The following PRKAA2 variants were observed in gnomAD, a reference collection of about 807,000 sequenced individuals.
The protein encoded by PRKAA2 is protein kinase AMP-activated catalytic subunit alpha 2.
In PRKAA2, 40 loss-of-function variants were observed where a neutral mutation model predicts 56.3. The observed-to-expected ratio is 0.71, with a 90% CI of 0.55 to 0.92. The LOEUF (loss-of-function observed/expected upper bound fraction) is 0.92, where lower values mean the gene tolerates loss of function less well. Among genes scored for constraint, PRKAA2 ranks in the 40% least tolerant of loss-of-function variants. The pLI, the probability that PRKAA2 is intolerant of heterozygous loss-of-function variation, is 0.00. For missense variants in PRKAA2, 542 were observed against 686.9 expected (o/e 0.79, Z 2.36); for synonymous variants, 214 against 234.2 (o/e 0.91, Z 0.79).
In PRKAA2 at chr1:56,695,480, C is replaced by T. The variant is rs565423806; in HGVS notation, c.564-455C>T. 6.6e-5 allele frequency among the ~76,000 whole-genome samples: 10 copies of T among 152,036 alleles called. No homozygotes were observed. In the East Asian group the frequency reaches 7.7e-4, roughly 12 times the overall value. ...TACTAGGATTACAGGTGTGAGCTAC[C>T]GTGACCAGCCTTAATATTCTTTAAA... On this transcript the variant is annotated intron_variant, in intron 5 of 8. Transcript: ENST00000371244.
At chr1:56,701,512 A>G (rs947419214) in intron 6 of PRKAA2, among the ~76,000 whole-genome samples, 3 of 152,128 alleles carry the variant, frequency 2.0e-5, no homozygotes, top group East Asian at 1.9e-4. Flanking sequence ...TTTTGTGTCC[A>G]TACTTTGTCT....
intron 2 of PRKAA2, 50 bp downstream of exon 2, chr1:56,674,572 G>GT: frequency 1.5e-6 from 2 of 1,320,916 alleles, no homozygotes; most frequent in South Asian, 1.8e-5. Flanking sequence ...ATCTTAAAAT[G>GT]TTTTTTAGGA....
Position 56,691,445 on chromosome 1 carries a change from G to A in PRKAA2, c.288G>A (p.Val96=). The part of the protein sequence containing the change: ...PTDFFMVMEY[V]SGGELFDYIC... ...ATTTTTTTATGGTAATGGAATATGTGTCTGGAGGTGAATTATTTGACTACA... is the reference window on the plus strand; with the variant it reads ...ATTTTTTTATGGTAATGGAATATGTATCTGGAGGTGAATTATTTGACTACA... Residue 96 remains valine (V), a synonymous_variant, in exon 3 of 9, where the codon GTG becomes GTA. Transcript: ENST00000371244. The A allele has an allele frequency of 6.2e-7, 1 of 1,612,672 alleles. No individual in the cohort carries two copies.
intron 5 of PRKAA2, among the ~76,000 whole-genome samples, chr1:56,695,188 A>AT (rs1644250962): frequency 6.8e-6 from 1 of 147,178 alleles, no homozygotes; most frequent in Non-Finnish European, 1.5e-5. Context: ...TATATTATAT[A>AT]TATATATATA....
At chr1:56,690,245 G>A (rs1195189602) in intron 2 of PRKAA2, among the ~76,000 whole-genome samples, 2 of 150,688 alleles carry the variant, frequency 1.3e-5, no homozygotes, top group African/African-American at 2.4e-5. Flanking sequence ...CTCACCGCAA[G>A]CTCTGCCTCC....
Position 56,714,367 on chromosome 1 carries a change from C to A in PRKAA2, c.*6654C>A, listed in dbSNP as rs185758871. 1.3e-5 allele frequency: 2 copies of A among 151,982 alleles called. No individual in the cohort carries two copies. Among genetic ancestry groups the A allele is most frequent in the Non-Finnish European group, 2.9e-5 (2 of 67,978 alleles). 9.4% of individuals were successfully genotyped at this position (151,982 alleles called of 1,614,324 possible). On this transcript the variant is annotated 3_prime_UTR_variant, in exon 9 of 9. Transcript: ENST00000371244. ...TGTGTGTGAGCAACTGTTTGAAAGC[C>A]CTTGTTTAAATACAGGGTTTATATC...
chr1:56,700,577 C>G (rs772051397), intron 6 of PRKAA2, among the ~76,000 whole-genome samples: 20 of 152,150 alleles, frequency 1.3e-4, no homozygotes, highest in Non-Finnish European at 2.1e-4. Context: ...TTTTCCTTTA[C>G]CCAGCTTTCA....
At chr1:56,703,514 G>A (rs1644310093) in intron 6 of PRKAA2, among the ~76,000 whole-genome samples, 1 of 151,994 alleles carries the variant, frequency 6.6e-6, no homozygotes, top group African/African-American at 2.4e-5. Flanking sequence ...GCATTATTTT[G>A]TATTAGTTGA....
intron 1 of PRKAA2, among the ~76,000 whole-genome samples, 182 bp downstream of exon 1, chr1:56,645,663 C>T (rs902571511): frequency 5.3e-5 from 8 of 152,008 alleles, no homozygotes; most frequent in Admixed American, 3.9e-4. Context: ...CACCGGCGCC[C>T]GGGCCCCACA....
intron 1 of PRKAA2, among the ~76,000 whole-genome samples, chr1:56,658,222 A>G (rs531922133): frequency 6.6e-5 from 10 of 152,334 alleles, no homozygotes; most frequent in African/African-American, 2.2e-4. Flanking sequence ...TCATTCCACA[A>G]CTCTACTTTA....
intron 2 of PRKAA2, among the ~76,000 whole-genome samples, chr1:56,683,116 G>A (rs781002398): frequency 1.6e-4 from 20 of 123,098 alleles, no homozygotes; most frequent in Non-Finnish European, 8.4e-5. Context: ...TAAGCAACTG[G>A]GATTTTGGGT....
chr1:56,655,209 T>C (rs1273882700), intron 1 of PRKAA2, among the ~76,000 whole-genome samples: 5 of 148,564 alleles, frequency 3.4e-5, no homozygotes, highest in Non-Finnish European at 7.4e-5. Flanking sequence ...ATAAGTTATT[T>C]TCATTTTCTT....
At chr1:56,668,096 T>A (rs1459463792) in intron 1 of PRKAA2, among the ~76,000 whole-genome samples, 2 of 152,164 alleles carry the variant, frequency 1.3e-5, no homozygotes, top group African/African-American at 4.8e-5. Flanking sequence ...AGCACTGTGA[T>A]TGCCACACTT....
At chr1:56,663,040 CA>C (rs1644007045) in intron 1 of PRKAA2, among the ~76,000 whole-genome samples, 2 of 151,986 alleles carry the variant, frequency 1.3e-5, no homozygotes, top group Non-Finnish European at 2.9e-5. Flanking sequence ...CTGAAGATCC[CA>C]AAAAACTGTT....
intron 1 of PRKAA2, among the ~76,000 whole-genome samples, chr1:56,669,993 C>T (rs529996608): frequency 1.3e-5 from 2 of 152,202 alleles, no homozygotes; most frequent in Admixed American, 1.3e-4. Flanking sequence ...GGATTTTTCC[C>T]CTCTTAAAAT....
chr1:56,645,950 T>A (rs1646637464), intron 1 of PRKAA2, among the ~76,000 whole-genome samples: 1 of 152,142 alleles, frequency 6.6e-6, no homozygotes, highest in African/African-American at 2.4e-5. Context: ...GGAATCTCAT[T>A]GAATCCTCAC....
At chr1:56,689,728 GA>G (rs757996514) in intron 2 of PRKAA2, among the ~76,000 whole-genome samples, 5 of 151,736 alleles carry the variant, frequency 3.3e-5, no homozygotes, top group Non-Finnish European at 7.4e-5. Context: ...TCAAACAAAA[GA>G]AAAAAAGTAA....
Position 56,645,358 on chromosome 1 carries a change from G to A in PRKAA2, c.-30G>A, listed in dbSNP as rs1047085312. ...GCGGCGGCGGCTACGCGGAGCGGCA[G>A]GCGGTGGAGCGAGGCCGCGCGCGCC... On this transcript the variant is annotated 5_prime_UTR_variant, in exon 1 of 9. Coordinates refer to ENST00000371244, the MANE Select transcript of PRKAA2 (RefSeq NM_006252.4). The A allele has an allele frequency of 3.5e-6, 5 of 1,438,734 alleles. No individual in the cohort carries two copies. The highest frequency in any genetic ancestry group is 1.3e-5 in the South Asian group (1 of 78,778). 89.1% of individuals were successfully genotyped at this position (1,438,734 alleles called of 1,614,324 possible).
At chr1:56,676,816 C>G (rs539746362) in intron 2 of PRKAA2, among the ~76,000 whole-genome samples, 1 of 152,132 alleles carries the variant, frequency 6.6e-6, no homozygotes, top group South Asian at 2.1e-4. Flanking sequence ...ACTGACTGTT[C>G]AGAGCAGGCT....
Sources: allele counts gnomAD v4.1 joint callset (sites outside exome capture counted in the v4.1 genomes callset), GRCh38; gene constraint gnomAD v4.1.1; transcripts MANE v1.5; gene names NCBI Gene and HGNC (gene_info 2026-07-23, HGNC 2026-07-21).